Variants in MAGEC3 observed in about 807,000 individuals in gnomAD.
The protein encoded by MAGEC3 is melanoma-associated antigen C3.
A neutral mutation model predicts 35.3 loss-of-function variants in MAGEC3; 34 were observed. The observed-to-expected ratio is 0.96, with a 90% CI of 0.73 to 1.28. MAGEC3 has a LOEUF of 1.28. Among genes scored for constraint, MAGEC3 ranks in the 50% most tolerant of loss-of-function variants. The probability of loss-of-function intolerance (pLI) is 0.00; values close to 1 mark genes in which losing one functional copy is unlikely to be tolerated. For missense variants in MAGEC3, 561 were observed against 483.6 expected (o/e 1.16, Z -1.50); for synonymous variants, 202 against 185.6 (o/e 1.09, Z -0.72).
intron 2 of MAGEC3, among the ~76,000 whole-genome samples, chrX:141,868,130 A>G (rs1603064724): frequency 8.9e-6 from 1 of 111,913 alleles, no homozygotes; most frequent in East Asian, 2.8e-4. Flanking sequence ...CTTCAAAAAA[A>G]AAAGGAGAGG....
At chrX:141,842,153 ATAT>A (rs921757873) in intron 1 of MAGEC3, among the ~76,000 whole-genome samples, 5 of 111,836 alleles carry the variant, frequency 4.5e-5, no homozygotes, top group African/African-American at 1.6e-4. Flanking sequence ...ACAAATTATA[ATAT>A]TAAGATAAAC....
chrX:141,846,755 C>G (rs2017719608), intron 1 of MAGEC3, among the ~76,000 whole-genome samples: 1 of 111,085 alleles, frequency 9.0e-6, no homozygotes, highest in East Asian at 2.8e-4. Flanking sequence ...AGTTTTTGCA[C>G]TGACTTTATA....
chrX:141,897,171 T>G lies in MAGEC3; in HGVS notation c.1413T>G (p.Tyr471Ter), dbSNP rs2018106526. Reference protein sequence around the residue: ...AELVQFLLLKYQTKEPVTKAE... With the variant: ...AELVQFLLLK Reference sequence around the variant, plus strand: ...TGGTGCAGTTTCTTCTCCTCAAATATCAAACAAAAGAGCCTGTCACAAAGG... The same window carrying G: ...TGGTGCAGTTTCTTCTCCTCAAATAGCAAACAAAAGAGCCTGTCACAAAGG... Residue 471 changes from tyrosine (Y) to a stop codon, truncating the protein, a stop_gained, in exon 7 of 8, where the codon TAT (tyrosine) becomes TAG (stop). Transcript: ENST00000298296. LOFTEE classifies it high-confidence loss of function. The G allele has an allele frequency of 1.7e-6, 2 of 1,210,226 alleles. No individual in the cohort carries two copies. Among genetic ancestry groups the G allele is most frequent in the Non-Finnish European group, 2.2e-6 (2 of 895,314 alleles).
At chrX:141,856,683 A>AGAAAAT (rs2017783003) in intron 1 of MAGEC3, among the ~76,000 whole-genome samples, 1 of 112,034 alleles carries the variant, frequency 8.9e-6, no homozygotes, top group Admixed American at 9.5e-5. Flanking sequence ...GAATAGATAA[A>AGAAAAT]GAAAATGAGG....
At chrX:141,868,753 A>AAACT (rs1244565804) in intron 2 of MAGEC3, among the ~76,000 whole-genome samples, 2 of 111,079 alleles carry the variant, frequency 1.8e-5, no homozygotes, top group African/African-American at 6.5e-5. Context: ...CTTACCATAG[A>AAACT]TTAGAAACTC....
intron 2 of MAGEC3, among the ~76,000 whole-genome samples, chrX:141,866,291 C>A (rs180750332): frequency 0.011 from 1,286 of 111,872 alleles, 19 homozygotes; most frequent in African/African-American, 0.04. Context: ...TAATTATAAT[C>A]CATGGAGCTG....
intron 2 of MAGEC3, among the ~76,000 whole-genome samples, chrX:141,868,983 G>C (rs377483285): frequency 5.3e-4 from 58 of 109,603 alleles, no homozygotes; most frequent in African/African-American, 1.9e-3. Flanking sequence ...TCGGGTTCAC[G>C]CCATTCTCCT....
intron 4 of MAGEC3, among the ~76,000 whole-genome samples, chrX:141,888,858 G>A (rs949990294): frequency 8.9e-6 from 1 of 112,048 alleles, no homozygotes; most frequent in African/African-American, 3.3e-5. Context: ...CAGCTACCTT[G>A]TAGCAAGTTG....
chrX:141,851,071 T>C (rs1481808896), intron 1 of MAGEC3, among the ~76,000 whole-genome samples: 2 of 111,032 alleles, frequency 1.8e-5, no homozygotes, highest in East Asian at 5.7e-4. Context: ...GTAGGATTAG[T>C]GATTACAAAT....
intron 1 of MAGEC3, among the ~76,000 whole-genome samples, chrX:141,860,891 C>A (rs758118916): frequency 7.2e-5 from 8 of 111,298 alleles, no homozygotes; most frequent in Non-Finnish European, 1.1e-4. Context: ...GGTTGCATAA[C>A]AATGTGAATG....
At chrX:141,852,176 A>G (rs998651088) in intron 1 of MAGEC3, among the ~76,000 whole-genome samples, 1 of 107,263 alleles carries the variant, frequency 9.3e-6, no homozygotes, top group African/African-American at 3.4e-5. Flanking sequence ...ATTTAATCCT[A>G]AGTATTTATT....
chrX:141,894,464 A>G (rs1254272541), intron 4 of MAGEC3, among the ~76,000 whole-genome samples: 1 of 112,002 alleles, frequency 8.9e-6, no homozygotes, highest in East Asian at 2.8e-4. Context: ...GACATAGGTC[A>G]GGAGAGAGAT....
At chrX:141,847,161 A>G (rs2017722194) in intron 1 of MAGEC3, among the ~76,000 whole-genome samples, 1 of 111,036 alleles carries the variant, frequency 9.0e-6, no homozygotes, top group Non-Finnish European at 1.9e-5. Context: ...TACTCTAGTG[A>G]TTTCCAACTG....
chrX:141,859,732 G>T (rs1392248420), intron 1 of MAGEC3, among the ~76,000 whole-genome samples: 1 of 110,881 alleles, frequency 9.0e-6, no homozygotes, highest in Non-Finnish European at 1.9e-5. Flanking sequence ...AGTGAGTTTT[G>T]GGGGTTTTCT....
chrX:141,843,017 T>C (rs1438227497), intron 1 of MAGEC3, among the ~76,000 whole-genome samples: 1 of 112,467 alleles, frequency 8.9e-6, no homozygotes, highest in Non-Finnish European at 1.9e-5. Context: ...CTCTGTCATT[T>C]ATAATTTTGA....
At chrX:141,846,527 A>G (rs1359472964) in intron 1 of MAGEC3, among the ~76,000 whole-genome samples, 2 of 110,716 alleles carry the variant, frequency 1.8e-5, no homozygotes, top group Non-Finnish European at 3.8e-5. Flanking sequence ...GACGCTACCT[A>G]TGTTTTCAGA....
At chrX:141,856,043 A>G (rs2017778441) in intron 1 of MAGEC3, among the ~76,000 whole-genome samples, 1 of 111,780 alleles carries the variant, frequency 8.9e-6, no homozygotes, top group Non-Finnish European at 1.9e-5. Flanking sequence ...CCAGGTTGTG[A>G]TATAGATGGA....
chrX:141,893,684 G>A (rs1314096164), intron 4 of MAGEC3, among the ~76,000 whole-genome samples: 1 of 95,466 alleles, frequency 1.0e-5, no homozygotes, highest in African/African-American at 3.9e-5. Flanking sequence ...GTCTGTGTGC[G>A]TGCATAGGGC....
intron 3 of MAGEC3, among the ~76,000 whole-genome samples, chrX:141,880,174 G>A (rs757448568): frequency 9.0e-6 from 1 of 111,392 alleles, no homozygotes; most frequent in Non-Finnish European, 1.9e-5. Context: ...GCCCTGCTGG[G>A]GATAAGAGTG....
Sources: gnomAD v4.1 joint callset for allele counts (sites outside exome capture counted in the v4.1 genomes callset) on GRCh38, gnomAD v4.1.1 for gene constraint, MANE v1.5 for transcripts, NCBI Gene and HGNC (gene_info 2026-07-23, HGNC 2026-07-21) for gene names.